XKR9: variants seen among roughly 807,000 people sequenced by gnomAD.
XKR9 encodes the protein XK-related protein 9.
Under a neutral mutation model 32.0 loss-of-function variants are expected in XKR9, and 32 were observed. The ratio of observed to expected loss-of-function variants is 1.00; its 90% confidence interval spans 0.76 to 1.34. XKR9 has a LOEUF of 1.34. XKR9 is among the 40% of genes most tolerant of loss of function. XKR9 has a pLI of 0.00. For missense variants in XKR9, 546 were observed against 429.7 expected, an observed-to-expected ratio of 1.27 and a Z score of -2.39; for synonymous variants, 168 against 143.4, an observed-to-expected ratio of 1.17 and a Z score of -1.22.
the XKR9 span, among the ~76,000 whole-genome samples, chr8:70,907,621 A>C: frequency 0.018 from 2,685 of 152,338 alleles, 74 homozygotes; most frequent in African/African-American, 0.062. Context: ...ATTCCTGTGC[A>C]GTAAGAAATG....
the XKR9 span, among the ~76,000 whole-genome samples, chr8:71,036,451 G>GA: frequency 3.3e-5 from 5 of 151,816 alleles, no homozygotes; most frequent in African/African-American, 4.8e-5. Flanking sequence ...TAGAGTGTTA[G>GA]AAAAAAAACC....
the XKR9 span, among the ~76,000 whole-genome samples, chr8:70,925,390 A>G: frequency 3.3e-5 from 5 of 152,200 alleles, 1 homozygote; most frequent in South Asian, 8.3e-4. Flanking sequence ...TCAGGCTAGG[A>G]GGGATCAGTT....
chr8:70,699,364 T>G (rs1323209335), intron 3 of XKR9, among the ~76,000 whole-genome samples: 1 of 152,118 alleles, frequency 6.6e-6, no homozygotes, highest in Non-Finnish European at 1.5e-5. Flanking sequence ...AGGAGCTCTT[T>G]TAGGGCAGGC....
the XKR9 span, among the ~76,000 whole-genome samples, chr8:70,903,132 T>C: frequency 6.6e-6 from 1 of 152,156 alleles, no homozygotes; most frequent in Non-Finnish European, 1.5e-5. Context: ...CAGGCTTTGG[T>C]ATCAGGATGA....
intron 2 of XKR9, among the ~76,000 whole-genome samples, chr8:70,782,160 A>T (rs915592777): frequency 2.6e-5 from 4 of 152,200 alleles, no homozygotes; most frequent in Non-Finnish European, 5.9e-5. Context: ...GAAGCAGCAC[A>T]GCTGCTATCT....
the XKR9 span, among the ~76,000 whole-genome samples, chr8:70,979,370 G>A: frequency 1.3e-5 from 2 of 152,238 alleles, no homozygotes; most frequent in East Asian, 3.9e-4. Context: ...CCATCTTTGT[G>A]GTTTTATCTA....
chr8:70,776,919 T>TCTCTCTCTCTCTCTCCCTC (rs1466163794), intron 2 of XKR9, among the ~76,000 whole-genome samples: 3 of 70,474 alleles, frequency 4.3e-5, no homozygotes, highest in Non-Finnish European at 7.6e-5. Flanking sequence ...GGTTTTCTCT[T>TCTCTCTCTCTCTCTCCCTC]TCTTTCTCTC....
At chr8:71,003,965 T>G in the XKR9 span, among the ~76,000 whole-genome samples, 1 of 152,184 alleles carries the variant, frequency 6.6e-6, no homozygotes, top group Admixed American at 6.5e-5. Flanking sequence ...AATGTGGTTT[T>G]GAAGTATGAC....
At chr8:70,831,997 C>T in the XKR9 span, among the ~76,000 whole-genome samples, 9 of 152,290 alleles carry the variant, frequency 5.9e-5, no homozygotes, top group South Asian at 1.9e-3. Flanking sequence ...TGGTTCCTAT[C>T]CCATAAACCT....
In XKR9 at chr8:70,733,778, T is replaced by A. The variant is rs201882939; in HGVS notation, c.494-18T>A. On this transcript the variant is annotated intron_variant, in intron 4 of 4. Transcript: ENST00000408926. ...ATTATTCCTATAACAATATATTTTT[T>A]ATTTTTTTGTTTTGTAGATGCGGCC... The A allele has an allele frequency of 3.4e-4, 510 of 1,508,658 alleles. 2 individuals carry two copies. In the East Asian group the frequency reaches 7.3e-3, roughly 22 times the overall value. The allele number at this position is 1,508,658 out of a possible 1,614,324, so 93.5% of individuals were successfully genotyped here.
the XKR9 span, among the ~76,000 whole-genome samples, chr8:70,926,479 C>T: frequency 1.4e-4 from 22 of 152,226 alleles, no homozygotes; most frequent in Non-Finnish European, 1.2e-4. Context: ...TTACCAAACA[C>T]ACCCAACCAC....
At chr8:70,895,868 T>C in the XKR9 span, among the ~76,000 whole-genome samples, 1 of 148,602 alleles carries the variant, frequency 6.7e-6, no homozygotes, top group Non-Finnish European at 1.5e-5. Flanking sequence ...TGTGATGGCG[T>C]GCATCTGTAA....
the XKR9 span, among the ~76,000 whole-genome samples, chr8:70,965,716 C>A: frequency 1.3e-5 from 2 of 152,158 alleles, no homozygotes; most frequent in East Asian, 3.8e-4. Context: ...TCTATTTCTT[C>A]TAGGTTTTCT....
chr8:70,717,569 A>G (rs1806133395), intron 4 of XKR9, among the ~76,000 whole-genome samples: 1 of 152,158 alleles, frequency 6.6e-6, no homozygotes, highest in South Asian at 2.1e-4. Flanking sequence ...AACAACTGGG[A>G]TGCAGGGAAC....
chr8:71,013,145 G>A, the XKR9 span, among the ~76,000 whole-genome samples: 4 of 152,130 alleles, frequency 2.6e-5, no homozygotes, highest in African/African-American at 9.7e-5. Context: ...TTCGAAAAAC[G>A]AGCAGAAGCT....
the XKR9 span, among the ~76,000 whole-genome samples, chr8:71,050,318 TATA>T: frequency 4.8e-5 from 7 of 146,202 alleles, no homozygotes; most frequent in East Asian, 1.4e-3. Flanking sequence ...TAGATATAGA[TATA>T]GATATATATG....
chr8:70,838,884 G>A, the XKR9 span, among the ~76,000 whole-genome samples: 6 of 152,068 alleles, frequency 3.9e-5, no homozygotes, highest in African/African-American at 1.2e-4. Context: ...ACATTTTCAA[G>A]TCCATGTGAT....
chr8:70,874,529 A>G, the XKR9 span, among the ~76,000 whole-genome samples: 1 of 152,198 alleles, frequency 6.6e-6, no homozygotes, highest in South Asian at 2.1e-4. Flanking sequence ...ATGAAAACAA[A>G]AGCTATGTGA....
At chr8:70,763,451 A>T (rs1807334168) in intron 2 of XKR9, among the ~76,000 whole-genome samples, 1 of 152,156 alleles carries the variant, frequency 6.6e-6, no homozygotes, top group South Asian at 2.1e-4. Flanking sequence ...GTGTGAGGTA[A>T]GAATCCCCCT....
Sources: allele counts gnomAD v4.1 joint callset (sites outside exome capture counted in the v4.1 genomes callset), GRCh38; gene constraint gnomAD v4.1.1; transcripts MANE v1.5; gene names NCBI Gene and HGNC (gene_info 2026-07-23, HGNC 2026-07-21).